The following FAM210A variants were observed in gnomAD, a reference collection of about 807,000 sequenced individuals.
The protein encoded by FAM210A is family with sequence similarity 210 member A.
Under a neutral mutation model 25.3 loss-of-function variants are expected in FAM210A, and 13 were observed. The observed-to-expected ratio is 0.51, with a 90% CI of 0.33 to 0.82. FAM210A has a LOEUF of 0.82. FAM210A is among the 40% of genes least tolerant of loss of function. The pLI is 0.02. For missense variants in FAM210A, 319 were observed against 323.2 expected (o/e 0.99, Z 0.10); for synonymous variants, 125 against 118.7 (o/e 1.05, Z -0.35).
At chr18:13,684,140 T>C (rs1364592590) in intron 1 of FAM210A, among the ~76,000 whole-genome samples, 1 of 152,206 alleles carries the variant, frequency 6.6e-6, no homozygotes, top group African/African-American at 2.4e-5. Flanking sequence ...CTCACGCCTG[T>C]AATCTCAGTA....
At chr18:13,709,387 G>T (rs1257283472) in intron 1 of FAM210A, among the ~76,000 whole-genome samples, 1 of 152,146 alleles carries the variant, frequency 6.6e-6, no homozygotes, top group Non-Finnish European at 1.5e-5. Context: ...CTGAAAAGGT[G>T]CCTGCTTTAA....
intron 1 of FAM210A, among the ~76,000 whole-genome samples, chr18:13,725,675 C>A (rs3809898): frequency 0.33 from 49,650 of 152,000 alleles, 9,956 homozygotes; most frequent in East Asian, 0.83. Context: ...TAGTTTTGAC[C>A]CTGATCTCAG....
intron 2 of FAM210A, among the ~76,000 whole-genome samples, chr18:13,673,640 A>C (rs1453274486): frequency 9.6e-6 from 1 of 103,734 alleles, no homozygotes; most frequent in Non-Finnish European, 1.9e-5. Flanking sequence ...CATTCCTGAG[A>C]CCCGACTTCT....
intron 1 of FAM210A, among the ~76,000 whole-genome samples, chr18:13,707,211 T>G (rs2043785406): frequency 6.6e-6 from 1 of 152,230 alleles, no homozygotes; most frequent in Admixed American, 6.5e-5. Flanking sequence ...CCCTAAGTTT[T>G]GGTCACACTC....
intron 2 of FAM210A, among the ~76,000 whole-genome samples, chr18:13,677,069 A>ATTTTT (rs59935007): frequency 7.3e-6 from 1 of 137,194 alleles, no homozygotes. Flanking sequence ...CTGTCCCTCT[A>ATTTTT]TTTTTTTTTT....
intron 1 of FAM210A, among the ~76,000 whole-genome samples, chr18:13,720,672 G>C (rs541428151): frequency 5.3e-5 from 8 of 152,262 alleles, no homozygotes; most frequent in African/African-American, 1.9e-4. Flanking sequence ...ATGATGTTTT[G>C]TGGAAGGGAA....
intron 1 of FAM210A, among the ~76,000 whole-genome samples, chr18:13,697,914 T>C (rs890379483): frequency 3.3e-5 from 5 of 152,110 alleles, no homozygotes; most frequent in African/African-American, 1.2e-4. Context: ...TGAAAACACA[T>C]AGAGGAACCT....
rs188602994 is a variant in FAM210A, at chr18:13,723,796, C to G, written c.-29+2533G>C. The stretch of plus-strand genomic sequence containing the variant: ...GTATTACTCAACAAAATCTTATTTT[C>G]AACTGAAGGAAAAACCTTTTAAACA... On this transcript the variant is annotated intron_variant, in intron 1 of 3. Coordinates refer to ENST00000651643, the MANE Select transcript of FAM210A (RefSeq NM_152352.4). Among the ~76,000 whole-genome samples the G allele has an allele frequency of 1.7e-3, 266 of 152,254 alleles. 5 individuals are homozygous for G. In the South Asian group the frequency reaches 0.029, roughly 17 times the overall value.
chr18:13,694,131 T>G (rs1280542039), intron 1 of FAM210A, among the ~76,000 whole-genome samples: 3 of 152,152 alleles, frequency 2.0e-5, no homozygotes, highest in African/African-American at 7.2e-5. Context: ...CACAATTGCT[T>G]CAAAGAGAAT....
intron 1 of FAM210A, among the ~76,000 whole-genome samples, chr18:13,725,445 T>C (rs1323895082): frequency 6.6e-6 from 1 of 152,202 alleles, no homozygotes; most frequent in African/African-American, 2.4e-5. Flanking sequence ...ACGCTGCAAA[T>C]GCTGCCTTCC....
intron 2 of FAM210A, among the ~76,000 whole-genome samples, chr18:13,677,412 G>C (rs922922722): frequency 6.6e-6 from 1 of 152,170 alleles, no homozygotes; most frequent in African/African-American, 2.4e-5. Context: ...AAGGGGGTCC[G>C]CGTGAGAGGG....
At chr18:13,703,665 AT>A in intron 1 of FAM210A, among the ~76,000 whole-genome samples, 1 of 152,134 alleles carries the variant, frequency 6.6e-6, no homozygotes, top group East Asian at 1.9e-4. Context: ...CAACTACTTA[AT>A]TTTTTTCCAT....
At chr18:13,715,447 T>C (rs1201485953) in intron 1 of FAM210A, 1 of 152,214 alleles carries the variant, frequency 6.6e-6, no homozygotes, top group African/African-American at 2.4e-5. Flanking sequence ...GGCCTCAGAA[T>C]AGTGGAGACA....
intron 1 of FAM210A, among the ~76,000 whole-genome samples, chr18:13,688,135 G>A (rs547368693): frequency 6.6e-6 from 1 of 152,284 alleles, no homozygotes; most frequent in South Asian, 2.1e-4. Flanking sequence ...CAATGATAGG[G>A]ACAGGAGGCA....
intron 1 of FAM210A, among the ~76,000 whole-genome samples, chr18:13,722,987 T>G (rs2043909092): frequency 6.6e-6 from 1 of 152,020 alleles, no homozygotes; most frequent in Non-Finnish European, 1.5e-5. Flanking sequence ...GGGATCATCC[T>G]TTTCTTTTCT....
intron 1 of FAM210A, among the ~76,000 whole-genome samples, chr18:13,692,769 C>G (rs1234650117): frequency 6.6e-6 from 1 of 152,160 alleles, no homozygotes; most frequent in African/African-American, 2.4e-5. Flanking sequence ...GAAATTTATA[C>G]ACTAAATGCC....
chr18:13,686,247 G>C (rs1482808068), intron 1 of FAM210A, among the ~76,000 whole-genome samples: 1 of 152,146 alleles, frequency 6.6e-6, no homozygotes, highest in Non-Finnish European at 1.5e-5. Context: ...CAGGCCCAAA[G>C]AGACATTAAA....
chr18:13,703,720 T>TA (rs1399186413), intron 1 of FAM210A, among the ~76,000 whole-genome samples: 28 of 152,332 alleles, frequency 1.8e-4, no homozygotes, highest in African/African-American at 6.7e-4. Context: ...AGCGTTTACG[T>TA]AAAAAAGCTC....
chr18:13,695,656 C>A (rs962776270), intron 1 of FAM210A, among the ~76,000 whole-genome samples: 1 of 147,782 alleles, frequency 6.8e-6, no homozygotes, highest in Non-Finnish European at 1.5e-5. Context: ...TAGGTGGGAA[C>A]TGAACAATGA....
Sources: gnomAD v4.1 joint callset for allele counts (sites outside exome capture counted in the v4.1 genomes callset) on GRCh38, gnomAD v4.1.1 for gene constraint, MANE v1.5 for transcripts, NCBI Gene and HGNC (gene_info 2026-07-23, HGNC 2026-07-21) for gene names.